Variants in SHTN1 observed in about 807,000 individuals in gnomAD.
The protein encoded by SHTN1 is shootin-1.
Under a neutral mutation model 83.1 loss-of-function variants are expected in SHTN1, and 42 were observed. That is an observed-to-expected ratio of 0.51 (90% CI 0.39 to 0.65). SHTN1 has a LOEUF of 0.65. Ranked by LOEUF, SHTN1 falls within the 30% of genes least tolerant of loss-of-function variation. The pLI, the probability that SHTN1 is intolerant of heterozygous loss-of-function variation, is 0.00. For synonymous variants in SHTN1, 224 were observed against 247.7 expected (o/e 0.90, Z 0.90); for missense variants, 622 against 737.8 (o/e 0.84, Z 1.82).
intron 1 of SHTN1, among the ~76,000 whole-genome samples, chr10:117,078,649 T>C (rs1853201033): frequency 6.6e-6 from 1 of 152,156 alleles, no homozygotes; most frequent in South Asian, 2.1e-4. Flanking sequence ...TGCAGCACAT[T>C]ACACACACTA....
At chr10:116,900,545 G>C in intron 16 of SHTN1, 16 of 1,534,412 alleles carry the variant, frequency 1.0e-5, no homozygotes, top group Non-Finnish European at 1.4e-5. Flanking sequence ...GATTATCTGT[G>C]TAAAATGGTA....
chr10:117,083,396 G>C (rs937719667), intron 1 of SHTN1, among the ~76,000 whole-genome samples: 1 of 149,622 alleles, frequency 6.7e-6, no homozygotes, highest in South Asian at 2.2e-4. Flanking sequence ...GGTTTCTGCC[G>C]AGAGATCCGC....
At chr10:116,998,295 C>A (rs1405763421) in intron 1 of SHTN1, among the ~76,000 whole-genome samples, 2 of 152,132 alleles carry the variant, frequency 1.3e-5, no homozygotes, top group African/African-American at 4.8e-5. Flanking sequence ...ATGTTCTTTC[C>A]ATCGGCTCTT....
At chr10:116,945,242 G>A (rs1182866406) in intron 7 of SHTN1, among the ~76,000 whole-genome samples, 1 of 152,090 alleles carries the variant, frequency 6.6e-6, no homozygotes, top group Non-Finnish European at 1.5e-5. Flanking sequence ...CCACTTCCAG[G>A]AATGCATATG....
At chr10:116,902,010 A>G (rs1847758451) in intron 15 of SHTN1, 53 bp from the exon 16 acceptor site, 2 of 1,449,662 alleles carry the variant, frequency 1.4e-6, no homozygotes, top group East Asian at 2.5e-5. Flanking sequence ...ATGCTTATTA[A>G]TATGGTACTG....
intron 1 of SHTN1, among the ~76,000 whole-genome samples, chr10:116,986,979 G>A (rs910317503): frequency 6.6e-6 from 1 of 151,828 alleles, no homozygotes; most frequent in Non-Finnish European, 1.5e-5. Flanking sequence ...CACCCGCCTC[G>A]GCCTCCTAAA....
intron 1 of SHTN1, among the ~76,000 whole-genome samples, chr10:117,109,432 T>C (rs1853727719): frequency 6.6e-6 from 1 of 152,062 alleles, no homozygotes; most frequent in Admixed American, 6.6e-5. Flanking sequence ...AAATTTCAGA[T>C]TGGAAGGAAA....
chr10:116,907,602 G>A (rs1168111614), intron 14 of SHTN1, among the ~76,000 whole-genome samples: 2 of 152,158 alleles, frequency 1.3e-5, no homozygotes, highest in African/African-American at 4.8e-5. Context: ...ACTGGGTGAC[G>A]TATTTCTCAG....
Position 116,968,648 on chromosome 10 carries a change from G to T in SHTN1, c.172+4C>A. The T allele has an allele frequency of 6.2e-7, 1 of 1,602,836 alleles. No homozygotes were observed. The highest frequency in any genetic ancestry group is 8.5e-7 in the Non-Finnish European group (1 of 1,170,654). On this transcript the variant is annotated splice_donor_region_variant and intron_variant, in intron 3 of 16. Transcript: ENST00000355371. ...ATAATAATTCCACTGAAATGCTTAC[G>T]TACTTTTCTGAAATTCTTCCAGTTT...
At chr10:116,965,863 C>G (rs1417795383) in intron 3 of SHTN1, among the ~76,000 whole-genome samples, 1 of 152,200 alleles carries the variant, frequency 6.6e-6, no homozygotes, top group Non-Finnish European at 1.5e-5. Flanking sequence ...TTCACACAAA[C>G]TAATGCTCTT....
At chr10:117,009,929 A>C (rs985290045), upstream of SHTN1, among the ~76,000 whole-genome samples, 4 of 152,032 alleles carry the variant, frequency 2.6e-5, no homozygotes, top group Non-Finnish European at 4.4e-5. Flanking sequence ...AAAAAAACTT[A>C]TGGAATACCG....
chr10:116,920,571 T>C (rs1045190358), intron 12 of SHTN1, among the ~76,000 whole-genome samples: 2 of 152,172 alleles, frequency 1.3e-5, no homozygotes, highest in South Asian at 2.1e-4. Context: ...TCCACCCTTA[T>C]CCAGTTACAG....
chr10:116,981,000 A>T (rs1850994932), intron 1 of SHTN1, among the ~76,000 whole-genome samples: 1 of 152,242 alleles, frequency 6.6e-6, no homozygotes. Flanking sequence ...GAATGTGTAC[A>T]TGTAAAGATA....
chr10:116,984,472 A>G (rs1483723234), intron 1 of SHTN1, among the ~76,000 whole-genome samples: 1 of 152,114 alleles, frequency 6.6e-6, no homozygotes. Flanking sequence ...ACTTTTAGAA[A>G]GTGAGCTCAT....
intron 2 of SHTN1, among the ~76,000 whole-genome samples, chr10:117,018,249 A>C (rs1046582404): frequency 1.3e-5 from 2 of 152,224 alleles, no homozygotes; most frequent in African/African-American, 4.8e-5. Context: ...TGAAGAGTAT[A>C]CAAGAATTCT....
chr10:116,979,361 G>A lies in SHTN1; in HGVS notation c.59-53C>T, dbSNP rs1021387511. The A allele has an allele frequency of 6.9e-6, 10 of 1,444,384 alleles. No homozygotes were observed. In the African/African-American group the frequency reaches 1.4e-4, roughly 20 times the overall value. The allele number at this position is 1,444,384 out of a possible 1,614,324, so 89.5% of individuals were successfully genotyped here. On this transcript the variant is annotated intron_variant, in intron 1 of 16. Transcript: ENST00000355371. ...CAACACTGTCAAAAGTTTACTGCAG[G>A]GCAACCTGGGGAATCCAACTAACCC...
chr10:117,081,688 T>C (rs1242238656), intron 1 of SHTN1, among the ~76,000 whole-genome samples: 6 of 149,132 alleles, frequency 4.0e-5, no homozygotes, highest in African/African-American at 1.5e-4. Flanking sequence ...GGTGGTAAGC[T>C]ATTGATTATT....
chr10:116,916,612 C>G (rs529776934), intron 12 of SHTN1, among the ~76,000 whole-genome samples: 1 of 152,200 alleles, frequency 6.6e-6, no homozygotes, highest in Non-Finnish European at 1.5e-5. Flanking sequence ...CATCCCCGAG[C>G]TAATTAGCTC....
At chr10:117,103,749 G>A (rs1359341069) in intron 1 of SHTN1, among the ~76,000 whole-genome samples, 1 of 151,822 alleles carries the variant, frequency 6.6e-6, no homozygotes, top group African/African-American at 2.4e-5. Context: ...TGTTAGCCAG[G>A]ATGGTCTCGA....
Sources: allele counts gnomAD v4.1 joint callset (sites outside exome capture counted in the v4.1 genomes callset), GRCh38; gene constraint gnomAD v4.1.1; transcripts MANE v1.5; gene names NCBI Gene and HGNC (gene_info 2026-07-23, HGNC 2026-07-21).